ZC3H18: variants seen among roughly 807,000 people sequenced by gnomAD.
ZC3H18 encodes zinc finger CCCH domain-containing protein 18.
In ZC3H18, 8 loss-of-function variants were observed where a neutral mutation model predicts 106.1. The ratio of observed to expected loss-of-function variants is 0.08; its 90% CI spans 0.04 to 0.14. The LOEUF (loss-of-function observed/expected upper bound fraction) is 0.14, where lower values mean the gene tolerates loss of function less well. Among genes scored for constraint, ZC3H18 ranks in the 10% least tolerant of loss-of-function variants. ZC3H18 has a pLI of 1.00. For synonymous variants in ZC3H18, 635 were observed against 522.1 expected (o/e 1.22, Z -2.95); for missense variants, 1,318 against 1,278.4 (o/e 1.03, Z -0.47).
chr16:88,603,913 G>A (rs1238289478), intron 6 of ZC3H18, among the ~76,000 whole-genome samples: 4 of 151,564 alleles, frequency 2.6e-5, no homozygotes, highest in African/African-American at 4.8e-5. Context: ...GATTACAGGC[G>A]TGAGCCACCG....
chr16:88,573,966 C>CG (rs895191422), intron 1 of ZC3H18, among the ~76,000 whole-genome samples: 4 of 151,528 alleles, frequency 2.6e-5, no homozygotes, highest in East Asian at 3.9e-4. Context: ...TCCGCCCCCC[C>CG]GAGTTCAAGC....
chr16:88,599,978 T>C, intron 6 of ZC3H18, 30 bp downstream of exon 6: 1 of 1,610,636 alleles, frequency 6.2e-7, no homozygotes, highest in Non-Finnish European at 8.5e-7. Context: ...GCCCCTCCGT[T>C]TCCTTCCTGC....
chr16:88,586,414 G>T (rs1459542525), intron 2 of ZC3H18, among the ~76,000 whole-genome samples, 186 bp from the exon 3 acceptor site: 2 of 152,188 alleles, frequency 1.3e-5, no homozygotes, highest in Non-Finnish European at 2.9e-5. Flanking sequence ...GCTTAGAGCT[G>T]CCGGGCACGC....
intron 3 of ZC3H18, among the ~76,000 whole-genome samples, chr16:88,594,246 C>A (rs937640340): frequency 6.6e-6 from 1 of 152,168 alleles, no homozygotes; most frequent in African/African-American, 2.4e-5. Context: ...ATTTTAAAAA[C>A]AGTTTCATAA....
chr16:88,630,446 A>C (rs1597364444), intron 16 of ZC3H18, 39 bp from the exon 17 acceptor site: 12 of 1,560,662 alleles, frequency 7.7e-6, no homozygotes, highest in Non-Finnish European at 9.7e-6. Context: ...CATTCCCTGT[A>C]CATCAGGAGG....
At chr16:88,612,893 C>G (rs1490181330) in intron 8 of ZC3H18, among the ~76,000 whole-genome samples, 1 of 152,132 alleles carries the variant, frequency 6.6e-6, no homozygotes, top group Non-Finnish European at 1.5e-5. Flanking sequence ...GTCCCAGCTA[C>G]TCGGGAGGCT....
intron 8 of ZC3H18, among the ~76,000 whole-genome samples, chr16:88,616,662 C>A (rs1905627508): frequency 6.6e-6 from 1 of 152,134 alleles, no homozygotes; most frequent in South Asian, 2.1e-4. Flanking sequence ...CAGTAATACA[C>A]GTATTGAATG....
At chr16:88,596,567 G>T (rs953247464) in intron 3 of ZC3H18, among the ~76,000 whole-genome samples, 1 of 152,118 alleles carries the variant, frequency 6.6e-6, no homozygotes, top group Non-Finnish European at 1.5e-5. Flanking sequence ...TGACACCCAG[G>T]AGGTGGAGGT....
Position 88,631,255 on chromosome 16 carries a change from G to A in ZC3H18, c.2818G>A (p.Asp940Asn). ...ELLKQLKAVEDAIARKRAKIP... is the reference protein window; with the variant it reads ...ELLKQLKAVENAIARKRAKIP... ...GCTGAAACAGCTGAAGGCCGTGGAG[G>A]ATGCTATTGCACGCAAGCGGGCCAA... is the stretch of plus-strand genomic sequence containing the variant. Residue 940 changes from aspartate (D) to asparagine (N), a missense_variant, in exon 18 of 18, where the codon GAT (aspartate) becomes AAT (asparagine). This residue lies in a region of ZC3H18 where 13 missense variants were observed against 40.8 expected (regional missense o/e 0.32). Transcript: ENST00000301011. 4.3e-6 allele frequency: 7 copies of A among 1,610,260 alleles called. No homozygotes were observed. The highest frequency in any genetic ancestry group is 5.9e-6 in the Non-Finnish European group (7 of 1,178,542).
rs1054764929 is a variant in ZC3H18 at position 88,599,368 on chromosome 16, C to G, written c.931-423C>G. ...AGCTCTGGGGACCACTCTGCTGGCA[C>G]CCAGCCCCACTTCCTCATTTTCCTG... is the stretch of plus-strand genomic sequence containing the variant. On this transcript the variant is annotated intron_variant, in intron 5 of 17. Coordinates refer to ENST00000301011, the MANE Select transcript of ZC3H18 (RefSeq NM_144604.4). 2.6e-5 allele frequency among the ~76,000 whole-genome samples: 4 copies of G among 152,240 alleles called. No homozygotes were observed. The South Asian group carries it at 8.3e-4, about 31-fold the overall frequency.
At chr16:88,623,166 G>A (rs1906075830) in intron 9 of ZC3H18, 53 bp from the exon 10 acceptor site, 6 of 1,591,406 alleles carry the variant, frequency 3.8e-6, no homozygotes, top group Non-Finnish European at 5.1e-6. Context: ...AGGGCGTGTG[G>A]GGCAGGGAGG....
chr16:88,577,775 G>A (rs1914857728), intron 2 of ZC3H18, 49 bp downstream of exon 2: 1 of 1,611,262 alleles, frequency 6.2e-7, no homozygotes, highest in South Asian at 1.1e-5. Context: ...CCAGCAGCCT[G>A]ACATAGACTG....
intron 3 of ZC3H18, among the ~76,000 whole-genome samples, chr16:88,592,697 G>A (rs755994455): frequency 6.6e-6 from 1 of 152,184 alleles, no homozygotes; most frequent in African/African-American, 2.4e-5. Context: ...GGCTGGTCTC[G>A]AACTCCTGAC....
Position 88,627,750 on chromosome 16 carries a change from C to A in ZC3H18, c.2237C>A (p.Ser746Tyr). ...CCCGTGTCCTCAGCCAGCTCTCGGTCCCCGGCCCCAGCCCAGACCAGGAAG... is the reference window on the plus strand; with the variant it reads ...CCCGTGTCCTCAGCCAGCTCTCGGTACCCGGCCCCAGCCCAGACCAGGAAG... Reference protein sequence around the residue: ...ASPVSSASSRSPAPAQTRKEK... With the variant: ...ASPVSSASSRYPAPAQTRKEK... Residue 746 changes from serine to tyrosine, a missense_variant, in exon 14 of 18, where the codon TCC becomes TAC. Coordinates refer to ENST00000301011, the MANE Select transcript of ZC3H18 (RefSeq NM_144604.4). This position sits in a 1 kb window ranked among gnomAD's most constrained non-coding sequence, Gnocchi z 4.5. 6 of 1,612,698 alleles carry A rather than the reference C, an allele frequency of 3.7e-6. No individual in the cohort carries two copies. Among genetic ancestry groups the A allele is most frequent in the Non-Finnish European group, 5.1e-6 (6 of 1,179,100 alleles).
intron 10 of ZC3H18, chr16:88,623,635 C>A: frequency 1.8e-6 from 1 of 564,370 alleles, no homozygotes; most frequent in Non-Finnish European, 3.1e-6. Context: ...CAGACCCAGC[C>A]CTGTCCTGTG....
chr16:88,571,086 A>G (rs904951439), intron 1 of ZC3H18, among the ~76,000 whole-genome samples: 6 of 152,248 alleles, frequency 3.9e-5, no homozygotes, highest in African/African-American at 1.4e-4. Flanking sequence ...TCTTAGGAGT[A>G]TGTAACTTCC....
At chr16:88,623,385 G>C (rs75268940) in intron 10 of ZC3H18, 41 bp downstream of exon 10, 1 of 1,602,656 alleles carries the variant, frequency 6.2e-7, no homozygotes, top group South Asian at 1.1e-5. Flanking sequence ...AGCAGGTGCA[G>C]TGAGCAAGGG....
chr16:88,583,070 C>G (rs117986305), intron 2 of ZC3H18, among the ~76,000 whole-genome samples: 2 of 152,248 alleles, frequency 1.3e-5, no homozygotes, highest in Admixed American at 1.3e-4. Context: ...CCTGAGTGGC[C>G]GTGCCAGGTT....
At position 88,623,540 on chromosome 16, in the gene ZC3H18, A is replaced by G. The variant is rs1906103026; in HGVS notation, c.1793+196A>G. 3 of 703,592 alleles carry G rather than the reference A, an allele frequency of 4.3e-6. No individual in the cohort carries two copies. The East Asian group carries it at 8.4e-5, about 20-fold the overall frequency. The allele number at this position is 703,592 out of a possible 1,614,324, so 43.6% of individuals were successfully genotyped here. On this transcript the variant is annotated intron_variant, in intron 10 of 17. Coordinates refer to ENST00000301011, the MANE Select transcript of ZC3H18 (RefSeq NM_144604.4). ...GCCTTGCGGGCCCTCGTCCTTGTGT[A>G]GATGCGTGCTGTCACTGAGGGCCAC... is the stretch of plus-strand genomic sequence containing the variant.
Sources: gnomAD v4.1 joint callset for allele counts (sites outside exome capture counted in the v4.1 genomes callset) on GRCh38, gnomAD v4.1.1 for gene constraint, gnomAD v4.1.1 regional missense constraint, Gnocchi (gnomAD v3.1) non-coding constraint, MANE v1.5 for transcripts, NCBI Gene and HGNC (gene_info 2026-07-23, HGNC 2026-07-21) for gene names.